The following DNAH14 variants were observed in gnomAD, a reference collection of about 807,000 sequenced individuals.
The protein encoded by DNAH14 is dynein axonemal heavy chain 14, also known as axonemal beta dynein heavy chain 14.
In DNAH14, 478 loss-of-function variants were observed where a neutral mutation model predicts 520.9. The ratio of observed to expected loss-of-function variants is 0.92; its 90% CI spans 0.85 to 0.99. The LOEUF is 0.99. DNAH14 is among the 50% of genes least tolerant of loss of function. The probability of loss-of-function intolerance (pLI) is 0.00; values close to 1 mark genes in which losing one functional copy is unlikely to be tolerated. For missense variants in DNAH14, 4,831 were observed against 5,234.5 expected (o/e 0.92, Z 2.38); for synonymous variants, 1,581 against 1,757.2 (o/e 0.90, Z 2.51).
intron 73 of DNAH14, chr1:225,357,635 C>A: frequency 2.1e-6 from 1 of 484,234 alleles, no homozygotes; most frequent in South Asian, 4.4e-5. Context: ...ATAATTTTTC[C>A]AAAACATAAC....
chr1:225,211,587 C>T (rs1276736723), intron 41 of DNAH14, among the ~76,000 whole-genome samples: 1 of 152,036 alleles, frequency 6.6e-6, no homozygotes, highest in Non-Finnish European at 1.5e-5. Flanking sequence ...TCAAGATATC[C>T]AGAAGAACTT....
chr1:225,043,165 C>G, intron 13 of DNAH14, 51 bp downstream of exon 13: 1 of 1,486,068 alleles, frequency 6.7e-7, no homozygotes. Flanking sequence ...TGTGGTGGCT[C>G]ATGCCTGCAA....
In DNAH14 at chr1:224,930,339, C is replaced by T. The variant is rs116513578; in HGVS notation, c.-34+504C>T. Among the ~76,000 whole-genome samples, 762 of 152,094 alleles carry T rather than the reference C, an allele frequency of 5.0e-3. 6 individuals are homozygous for T. The highest frequency in any genetic ancestry group is 0.017 in the African/African-American group (719 of 41,494). On this transcript the variant is annotated intron_variant, in intron 1 of 85. Coordinates refer to ENST00000682510, the MANE Select transcript of DNAH14 (RefSeq NM_001367479.1). The stretch of plus-strand genomic sequence containing the variant: ...GGGACACTAATGGATATTTTACTTG[C>T]GTTTGTGGGATAGACTACGCTAGGA...
At chr1:225,291,985 A>G (rs753849848) in intron 55 of DNAH14, among the ~76,000 whole-genome samples, 9 of 152,050 alleles carry the variant, frequency 5.9e-5, no homozygotes, top group Non-Finnish European at 1.2e-4. Flanking sequence ...TATATTCTAG[A>G]TATGAATCCT....
chr1:225,249,771 C>G (rs2092462900), intron 43 of DNAH14, among the ~76,000 whole-genome samples: 1 of 152,196 alleles, frequency 6.6e-6, no homozygotes. Context: ...CATCCCCAAC[C>G]ATCGGCAACA....
chr1:225,220,273 C>T (rs1419843176), intron 41 of DNAH14, among the ~76,000 whole-genome samples: 1 of 152,210 alleles, frequency 6.6e-6, no homozygotes, highest in East Asian at 1.9e-4. Flanking sequence ...AGTCTCACCA[C>T]TCCTAATCAA....
chr1:225,056,378 G>T (rs943202531), intron 17 of DNAH14, among the ~76,000 whole-genome samples: 1 of 151,714 alleles, frequency 6.6e-6, no homozygotes, highest in African/African-American at 2.4e-5. Flanking sequence ...TTTTGATGGG[G>T]TTGTTTTTTG....
intron 10 of DNAH14, among the ~76,000 whole-genome samples, chr1:225,014,957 C>T (rs553290927): frequency 6.6e-6 from 1 of 152,164 alleles, no homozygotes; most frequent in East Asian, 1.9e-4. Context: ...ACAATATTTG[C>T]TTTATATATC....
chr1:225,148,492 C>T (rs1270434066), intron 31 of DNAH14, among the ~76,000 whole-genome samples: 1 of 150,894 alleles, frequency 6.6e-6, no homozygotes, highest in Non-Finnish European at 1.5e-5. Flanking sequence ...GCCTCCGCCT[C>T]CCGGGTTTAA....
At chr1:225,028,956 G>A (rs977108532) in intron 11 of DNAH14, among the ~76,000 whole-genome samples, 6 of 151,930 alleles carry the variant, frequency 3.9e-5, no homozygotes, top group Admixed American at 1.3e-4. Context: ...GCCATTTACC[G>A]CAAAAAGCAG....
chr1:225,015,188 A>T (rs1370177366), intron 10 of DNAH14, among the ~76,000 whole-genome samples: 1 of 152,076 alleles, frequency 6.6e-6, no homozygotes, highest in African/African-American at 2.4e-5. Context: ...GCATGTCTTT[A>T]CAGGTGTGGT....
At chr1:225,351,353 T>C (rs2095364110) in intron 71 of DNAH14, among the ~76,000 whole-genome samples, 1 of 152,192 alleles carries the variant, frequency 6.6e-6, no homozygotes, top group Non-Finnish European at 1.5e-5. Flanking sequence ...ATCGTGCCAC[T>C]GCATTCCATC....
intron 81 of DNAH14, among the ~76,000 whole-genome samples, chr1:225,386,714 T>C (rs1047914609): frequency 1.4e-4 from 21 of 152,204 alleles, no homozygotes; most frequent in African/African-American, 5.1e-4. Context: ...ATGGCAATCA[T>C]TAAAAAGTCA....
chr1:225,376,352 G>C (rs369992618), intron 78 of DNAH14, among the ~76,000 whole-genome samples: 1 of 152,018 alleles, frequency 6.6e-6, no homozygotes, highest in Non-Finnish European at 1.5e-5. Context: ...ACTTGAACCC[G>C]GGAAGCAGAG....
At chr1:225,098,523 A>G (rs1484953185) in intron 22 of DNAH14, among the ~76,000 whole-genome samples, 2 of 152,222 alleles carry the variant, frequency 1.3e-5, no homozygotes, top group African/African-American at 4.8e-5. Context: ...TTTGTATTTT[A>G]TTTTGGAGAC....
chr1:224,939,232 G>A (rs1371242937), intron 1 of DNAH14, among the ~76,000 whole-genome samples: 1 of 152,144 alleles, frequency 6.6e-6, no homozygotes, highest in Non-Finnish European at 1.5e-5. Flanking sequence ...TCTGGCTTCT[G>A]TTGTCTAATA....
At chr1:225,368,740 T>C (rs1244930665) in intron 77 of DNAH14, among the ~76,000 whole-genome samples, 1 of 152,196 alleles carries the variant, frequency 6.6e-6, no homozygotes, top group Non-Finnish European at 1.5e-5. Flanking sequence ...ATTCTGCCTC[T>C]GGGTATCTAT....
chr1:225,152,636 T>C (rs1278987348), intron 32 of DNAH14, 61 bp from the exon 33 acceptor site: 3 of 1,409,596 alleles, frequency 2.1e-6, no homozygotes, highest in Non-Finnish European at 1.9e-6. Flanking sequence ...AAGTATGTGA[T>C]TCCTTATTTG....
In DNAH14 at chr1:225,080,639, G is replaced by A; in HGVS notation, c.3027G>A (p.Trp1009Ter). 1 of 1,551,914 alleles carries A rather than the reference G, an allele frequency of 6.4e-7. No individual in the cohort carries two copies. Among genetic ancestry groups the A allele is most frequent in the Admixed American group, 2.0e-5 (1 of 51,014 alleles). Residue 1009 changes from tryptophan (W) to a stop codon, truncating the protein, a stop_gained, in exon 19 of 86, where the codon TGG (tryptophan) becomes TGA (stop). Coordinates refer to ENST00000682510, the MANE Select transcript of DNAH14 (RefSeq NM_001367479.1). LOFTEE classifies it high-confidence loss of function. ...RKKLWEAQEEWKRASWEWRNS... is the reference protein window; with the variant it reads ...RKKLWEAQEE ...AACTATGGGAAGCACAAGAGGAGTG[G>A]AAGCGAGCCTCTTGGGAATGGAGGA...
Sources: allele counts gnomAD v4.1 joint callset (sites outside exome capture counted in the v4.1 genomes callset), GRCh38; gene constraint gnomAD v4.1.1; transcripts MANE v1.5; gene names NCBI Gene and HGNC (gene_info 2026-07-23, HGNC 2026-07-21).